ZNF850: variants seen among roughly 807,000 people sequenced by gnomAD.
The protein encoded by ZNF850 is putative zinc finger protein ENSP00000330994.
ZNF850 carries 2 observed loss-of-function variants against 11.9 expected under a neutral mutation model. The ratio of observed to expected loss-of-function variants is 0.17; its 90% CI spans 0.07 to 0.53. ZNF850 has a LOEUF of 0.53. Among genes scored for constraint, ZNF850 ranks in the 20% least tolerant of loss-of-function variants. ZNF850 has a pLI of 0.94. For synonymous variants in ZNF850, 381 were observed against 443.0 expected, an observed-to-expected ratio of 0.86 and a Z score of 1.76; for missense variants, 1,014 against 1,316.4, an observed-to-expected ratio of 0.77 and a Z score of 3.55.
At position 36,745,737 on chromosome 19, in the gene ZNF850, A is replaced by C. The variant is rs2040408307; in HGVS notation, c.*2030T>G. On this transcript the variant is annotated 3_prime_UTR_variant, in exon 5 of 5. Transcript: ENST00000591344. ...CCCAGGTGCAGTGGCTCATGATTGT[A>C]ATCCCAGCACTTTGAGAGGACAAGG... 6.6e-6 allele frequency: 1 copy of C among 152,318 alleles called. No individual in the cohort carries two copies. The highest frequency in any genetic ancestry group is 1.5e-5 in the Non-Finnish European group (1 of 68,174). 9.4% of individuals were successfully genotyped at this position (152,318 alleles called of 1,614,324 possible). A position where few individuals can be genotyped will look rare whatever the true frequency, so the allele number is the denominator to read the frequency against.
intron 4 of ZNF850, among the ~76,000 whole-genome samples, chr19:36,753,913 C>T (rs778332604): frequency 1.3e-5 from 2 of 151,980 alleles, no homozygotes; most frequent in East Asian, 3.9e-4. Flanking sequence ...TAAGTATGGG[C>T]ATCAGATTTT....
chr19:36,767,235 T>A (rs2040554417), intron 1 of ZNF850, among the ~76,000 whole-genome samples: 1 of 145,538 alleles, frequency 6.9e-6, no homozygotes, highest in Admixed American at 7.0e-5. Context: ...AGACTCAGTA[T>A]CAAAATATAA....
At chr19:36,767,770 GAA>G (rs370194473) in intron 1 of ZNF850, among the ~76,000 whole-genome samples, 2 of 146,898 alleles carry the variant, frequency 1.4e-5, no homozygotes, top group Non-Finnish European at 3.0e-5. Context: ...TTATTTGGGG[GAA>G]AAAAAAAAGA....
intron 4 of ZNF850, among the ~76,000 whole-genome samples, chr19:36,755,879 A>G (rs1474694690): frequency 6.8e-6 from 1 of 147,068 alleles, no homozygotes; most frequent in Non-Finnish European, 1.5e-5. Flanking sequence ...GTAACTACAT[A>G]GTTTTTTTAT....
Position 36,749,589 on chromosome 19 carries a change from T to A in ZNF850, c.1451A>T (p.Lys484Ile). Residue 484 changes from lysine to isoleucine, a missense_variant, in exon 5 of 5, where the codon AAA (lysine) becomes ATA (isoleucine). Lys to Ile is a moderately radical substitution (Grantham distance 102). Transcript: ENST00000591344. ...EKPYCCKECG[K>I]SFTFRSTRNR... Reference sequence around the variant, plus strand: ...GCGTGTTGAGCGAAAAGTAAAAGATTTTCCACATTCCTTACAACAATAGGG... The same window carrying A: ...GCGTGTTGAGCGAAAAGTAAAAGATATTCCACATTCCTTACAACAATAGGG... The A allele has an allele frequency of 1.3e-6, 2 of 1,548,614 alleles. No homozygotes were observed. Among genetic ancestry groups the A allele is most frequent in the Non-Finnish European group, 1.7e-6 (2 of 1,151,936 alleles).
Position 36,749,591 on chromosome 19 carries a change from T to C in ZNF850, c.1449A>G (p.Gly483=), listed in dbSNP as rs759021184. 4.5e-6 allele frequency: 7 copies of C among 1,548,376 alleles called. No individual in the cohort carries two copies. The highest frequency in any genetic ancestry group is 6.1e-6 in the Non-Finnish European group (7 of 1,151,824). ...GEKPYCCKEC[G]KSFTFRSTRN... ...GTGTTGAGCGAAAAGTAAAAGATTTTCCACATTCCTTACAACAATAGGGTT... is the reference window on the plus strand; with the variant it reads ...GTGTTGAGCGAAAAGTAAAAGATTTCCCACATTCCTTACAACAATAGGGTT... The change falls in exon 5 of 5, where the codon GGA becomes GGG. Residue 483 remains glycine, a synonymous_variant. Transcript: ENST00000591344.
chr19:36,755,373 T>C (rs1234957449), intron 4 of ZNF850, among the ~76,000 whole-genome samples: 2 of 152,192 alleles, frequency 1.3e-5, no homozygotes, highest in African/African-American at 4.8e-5. Flanking sequence ...ATTACAGGCA[T>C]GCAACACCAC....
chr19:36,750,325 G>A lies in ZNF850; in HGVS notation c.715C>T (p.His239Tyr). 2 of 1,536,502 alleles carry A rather than the reference G, an allele frequency of 1.3e-6. No homozygotes were observed. The highest frequency in any genetic ancestry group is 1.4e-5 in the African/African-American group (1 of 73,148). ...EYGKAFISGSHLIQHQKMYTD... is the reference protein window; with the variant it reads ...EYGKAFISGSYLIQHQKMYTD... Reference sequence around the variant, plus strand: ...TACATTTTCTGGTGTTGAATAAGATGTGAGCCAGAAATAAAAGCTTTTCCA... The same window carrying A: ...TACATTTTCTGGTGTTGAATAAGATATGAGCCAGAAATAAAAGCTTTTCCA... Residue 239 changes from histidine to tyrosine, a missense_variant, in exon 5 of 5, where the codon CAT becomes TAT. Transcript: ENST00000591344.
In ZNF850 at chr19:36,749,322, C is replaced by A; in HGVS notation, c.1718G>T (p.Arg573Leu). ...CKECGKSFTS[R>L]SALIQHQRIH... ...TCGCTGATGTTGAATTAGTGCTGAG[C>A]GAGAAGTAAAAGATTTTCCACATTC... The change falls in exon 5 of 5, where the codon CGC (arginine) becomes CTC (leucine). Residue 573 changes from arginine (R) to leucine (L), a missense_variant. Physicochemically the swap from Arg to Leu is moderately radical, Grantham distance 102. Transcript: ENST00000591344. 6.4e-7 allele frequency: 1 copy of A among 1,555,560 alleles called. No homozygotes were observed.
chr19:36,756,616 A>AT (rs202002694), intron 4 of ZNF850, among the ~76,000 whole-genome samples: 1 of 151,712 alleles, frequency 6.6e-6, no homozygotes, highest in Non-Finnish European at 1.5e-5. Flanking sequence ...ATAATGTCAC[A>AT]TTTTTTTTCC....
chr19:36,764,122 A>G (rs1337169121), intron 1 of ZNF850, among the ~76,000 whole-genome samples: 2 of 148,080 alleles, frequency 1.4e-5, no homozygotes, highest in East Asian at 4.1e-4. Flanking sequence ...GCACACGCCT[A>G]TAGTCCCAGC....
At chr19:36,771,735 G>T (rs981499997) in intron 1 of ZNF850, among the ~76,000 whole-genome samples, 22 of 152,180 alleles carry the variant, frequency 1.4e-4, no homozygotes, top group African/African-American at 5.3e-4. Flanking sequence ...AAGCTGCACC[G>T]TTTCGTAAGC....
intron 4 of ZNF850, among the ~76,000 whole-genome samples, chr19:36,760,890 A>T (rs1229331493): frequency 6.6e-6 from 1 of 152,104 alleles, no homozygotes; most frequent in Non-Finnish European, 1.5e-5. Flanking sequence ...ATGAATATCC[A>T]TTGATGCATG....
chr19:36,764,983 GGCAA>G (rs1308702048), intron 1 of ZNF850, among the ~76,000 whole-genome samples: 1 of 152,014 alleles, frequency 6.6e-6, no homozygotes, highest in African/African-American at 2.4e-5. Context: ...ACCATGCCCG[GGCAA>G]CTCTGATTTT....
chr19:36,758,042 C>T (rs920062605), intron 4 of ZNF850, among the ~76,000 whole-genome samples: 3 of 152,134 alleles, frequency 2.0e-5, no homozygotes, highest in African/African-American at 4.8e-5. Context: ...TCTAATTAGC[C>T]CCATGTAGCT....
At chr19:36,758,721 T>C (rs968584790) in intron 4 of ZNF850, among the ~76,000 whole-genome samples, 3 of 152,150 alleles carry the variant, frequency 2.0e-5, no homozygotes, top group Admixed American at 2.0e-4. Context: ...TTGTCTGAAC[T>C]GAGTTGGATG....
At position 36,749,182 on chromosome 19, in the gene ZNF850, T is replaced by G; in HGVS notation, c.1858A>C (p.Lys620Gln). The G allele has an allele frequency of 6.2e-7, 1 of 1,605,524 alleles. No homozygotes were observed. Among genetic ancestry groups the G allele is most frequent in the Non-Finnish European group, 8.5e-7 (1 of 1,177,516 alleles). ...IHTGEKPYDC[K>Q]ECGKAFRLRL... Reference sequence around the variant, plus strand: ...AGTCTAAAGGCCTTCCCACATTCCTTACAATCATAAGGTTTCTCACCAGTG... The same window carrying G: ...AGTCTAAAGGCCTTCCCACATTCCTGACAATCATAAGGTTTCTCACCAGTG... The change falls in exon 5 of 5, where the codon AAG (lysine) becomes CAG (glutamine). Residue 620 changes from lysine (K) to glutamine (Q), a missense_variant. Lys to Gln is a moderately conservative substitution (Grantham distance 53). This residue lies in a region of ZNF850 where 835 missense variants were observed against 1,022.0 expected (regional missense o/e 0.82). Coordinates refer to ENST00000591344, the MANE Select transcript of ZNF850 (RefSeq NM_001193552.2).
At position 36,746,021 on chromosome 19, in the gene ZNF850, T is replaced by TATC. The variant is rs1373825345; in HGVS notation, c.*1743_*1745dup. 6.6e-6 allele frequency: 1 copy of TATC among 152,218 alleles called. No homozygotes were observed. 9.4% of individuals were successfully genotyped at this position (152,218 alleles called of 1,614,324 possible). On this transcript the variant is annotated 3_prime_UTR_variant, in exon 5 of 5. Transcript: ENST00000591344. ...TGACCTGTATCTTATGCTGACCTCA[T>TATC]ATCTCATCTTGTGACTTAGAATGAC...
At chr19:36,765,930 C>G (rs2040546886) in intron 1 of ZNF850, among the ~76,000 whole-genome samples, 1 of 150,926 alleles carries the variant, frequency 6.6e-6, no homozygotes, top group Non-Finnish European at 1.5e-5. Context: ...AATCTGTTGC[C>G]CAGGCTAGCG....
Sources: gnomAD v4.1 joint callset for allele counts (sites outside exome capture counted in the v4.1 genomes callset) on GRCh38, gnomAD v4.1.1 for gene constraint, gnomAD v4.1.1 regional missense constraint, MANE v1.5 for transcripts, NCBI Gene and HGNC (gene_info 2026-07-23, HGNC 2026-07-21) for gene names.